NBAS: variants seen among roughly 807,000 people sequenced by gnomAD.
NBAS encodes NBAS subunit of NRZ tethering complex, also known as NAG/BC035112 fusion.
NBAS carries 219 observed loss-of-function variants against 302.5 expected under a neutral mutation model. That is an observed-to-expected ratio of 0.72 (90% CI 0.65 to 0.81). The LOEUF is 0.81. Ranked by LOEUF, NBAS falls within the 30% of genes least tolerant of loss-of-function variation. The pLI, the probability that NBAS is intolerant of heterozygous loss-of-function variation, is 0.00. For missense variants in NBAS, 2,932 were observed against 2,841.6 expected (o/e 1.03, Z -0.72); for synonymous variants, 1,118 against 1,021.6 (o/e 1.09, Z -1.80).
chr2:15,493,828 TC>T (rs1157270849), intron 11 of NBAS, among the ~76,000 whole-genome samples: 4 of 131,874 alleles, frequency 3.0e-5, no homozygotes, highest in East Asian at 2.0e-4. Flanking sequence ...TGCAATTTTC[TC>T]TTTTTTTTTT....
At chr2:15,347,385 T>A (rs1673143751) in intron 35 of NBAS, among the ~76,000 whole-genome samples, 1 of 152,136 alleles carries the variant, frequency 6.6e-6, no homozygotes, top group Non-Finnish European at 1.5e-5. Flanking sequence ...AGCTAAGAAA[T>A]GGAAACAACC....
At chr2:15,173,990 T>A (rs1283461190) in intron 51 of NBAS, among the ~76,000 whole-genome samples, 7 of 152,230 alleles carry the variant, frequency 4.6e-5, no homozygotes, top group Non-Finnish European at 4.4e-5. Context: ...GCATGCTTGA[T>A]ATGTCTGTTC....
At chr2:14,928,586 G>T in the NBAS span, among the ~76,000 whole-genome samples, 11 of 151,650 alleles carry the variant, frequency 7.3e-5, no homozygotes, top group Non-Finnish European at 1.5e-4. Context: ...GATATTTTTG[G>T]CACTCAAATA....
chr2:15,463,809 C>T (rs76932930), intron 19 of NBAS, among the ~76,000 whole-genome samples: 5,712 of 78,042 alleles, frequency 0.073, 377 homozygotes, highest in African/African-American at 0.18. Context: ...AAAAAAAGCA[C>T]CAGGAAAATC....
the NBAS span, among the ~76,000 whole-genome samples, chr2:14,790,831 G>A: frequency 3.3e-5 from 5 of 151,354 alleles, no homozygotes; most frequent in African/African-American, 1.2e-4. Flanking sequence ...TTGTGTGTGT[G>A]TATGTATGTG....
At position 15,305,444 on chromosome 2, in the gene NBAS, G is replaced by A. The variant is rs144473467; in HGVS notation, c.4797+2772C>T. Among the ~76,000 whole-genome samples, 268 of 144,182 alleles carry A rather than the reference G, an allele frequency of 1.9e-3. 2 individuals carry two copies. Among genetic ancestry groups the A allele is most frequent in the African/African-American group, 6.5e-3 (246 of 37,946 alleles). 94.6% of individuals were successfully genotyped at this position (144,182 alleles called of 152,430 possible). On this transcript the variant is annotated intron_variant, in intron 40 of 51. Transcript: ENST00000281513. Reference sequence around the variant, plus strand: ...CTTTCTTTATAAATTACTCAGTCTCGAGCAGTTTTTTTTTTTTTTTTTTTT... The same window carrying A: ...CTTTCTTTATAAATTACTCAGTCTCAAGCAGTTTTTTTTTTTTTTTTTTTT...
rs760920114 is a variant in NBAS, at chr2:15,179,079, G to A, written c.6749C>T (p.Ser2250Phe). The change falls in exon 51 of 52, where the codon TCC (serine) becomes TTC (phenylalanine). Residue 2250 changes from serine (S) to phenylalanine (F), a missense_variant. Transcript: ENST00000281513. ...AAGTTTCAGAGATGGAAGCAGGAGGGACTGGTTAAGCAGCAGCAGACACAG... is the reference window on the plus strand; with the variant it reads ...AAGTTTCAGAGATGGAAGCAGGAGGAACTGGTTAAGCAGCAGCAGACACAG... The part of the protein sequence containing the change: ...KELCLLLLNQ[S>F]LLLPSLKLLL... 8 of 1,614,084 alleles carry A rather than the reference G, an allele frequency of 5.0e-6. No individual in the cohort carries two copies. The highest frequency in any genetic ancestry group is 6.8e-6 in the Non-Finnish European group (8 of 1,180,054).
the NBAS span, among the ~76,000 whole-genome samples, chr2:14,830,881 G>T: frequency 6.6e-6 from 1 of 152,274 alleles, no homozygotes; most frequent in African/African-American, 2.4e-5. Flanking sequence ...TACACAGTTT[G>T]CCCATTTCTG....
the NBAS span, among the ~76,000 whole-genome samples, chr2:15,067,885 C>T: frequency 6.6e-6 from 1 of 152,026 alleles, no homozygotes; most frequent in Admixed American, 6.5e-5. Flanking sequence ...AAAGATAAAA[C>T]ATTCTTGAGA....
chr2:15,468,793 T>C (rs962319825), intron 16 of NBAS, among the ~76,000 whole-genome samples: 2 of 152,228 alleles, frequency 1.3e-5, no homozygotes, highest in African/African-American at 4.8e-5. Flanking sequence ...TCAGGACTCA[T>C]TTTTGGAAAT....
chr2:15,419,856 C>T (rs1360337707), intron 23 of NBAS, among the ~76,000 whole-genome samples: 1 of 152,032 alleles, frequency 6.6e-6, no homozygotes, highest in Non-Finnish European at 1.5e-5. Flanking sequence ...GGACTGCAGG[C>T]ATCTGCCACC....
At chr2:14,780,159 C>T in the NBAS span, among the ~76,000 whole-genome samples, 1 of 152,174 alleles carries the variant, frequency 6.6e-6, no homozygotes, top group East Asian at 1.9e-4. Context: ...AGACACTTTG[C>T]AGTAAAATGG....
chr2:14,933,428 T>C, the NBAS span, among the ~76,000 whole-genome samples: 1 of 152,180 alleles, frequency 6.6e-6, no homozygotes, highest in African/African-American at 2.4e-5. Flanking sequence ...AACCTTATAG[T>C]TCAATAAAAT....
intron 25 of NBAS, among the ~76,000 whole-genome samples, chr2:15,403,907 A>AGTTT (rs1676279830): frequency 1.3e-5 from 1 of 77,540 alleles, no homozygotes; most frequent in African/African-American, 4.5e-5. Flanking sequence ...GTGTCTATAC[A>AGTTT]CTTTTTTTTT....
At chr2:14,818,315 TG>T in the NBAS span, among the ~76,000 whole-genome samples, 1 of 152,224 alleles carries the variant, frequency 6.6e-6, no homozygotes, top group Non-Finnish European at 1.5e-5. Flanking sequence ...GGTGTGTGTG[TG>T]ATTTGTTATA....
intron 9 of NBAS, among the ~76,000 whole-genome samples, chr2:15,517,398 A>C (rs1662449434): frequency 6.6e-6 from 1 of 152,228 alleles, no homozygotes; most frequent in South Asian, 2.1e-4. Context: ...GGGAACAAAT[A>C]CAAAAATATA....
the NBAS span, among the ~76,000 whole-genome samples, chr2:14,958,620 T>C: frequency 6.6e-6 from 1 of 152,250 alleles, no homozygotes; most frequent in Non-Finnish European, 1.5e-5. Context: ...GCATCTGTTA[T>C]AAATCTTCCA....
At chr2:15,050,849 A>G in the NBAS span, among the ~76,000 whole-genome samples, 3 of 152,116 alleles carry the variant, frequency 2.0e-5, no homozygotes, top group Non-Finnish European at 4.4e-5. Flanking sequence ...CATGATGCCT[A>G]CCACAGAGCT....
chr2:15,182,690 C>T (rs1198318533), intron 50 of NBAS, among the ~76,000 whole-genome samples: 1 of 152,168 alleles, frequency 6.6e-6, no homozygotes, highest in Non-Finnish European at 1.5e-5. Flanking sequence ...TCTACCTATT[C>T]CCAAGTCTTG....
Sources: gnomAD v4.1 joint callset for allele counts (sites outside exome capture counted in the v4.1 genomes callset) on GRCh38, gnomAD v4.1.1 for gene constraint, MANE v1.5 for transcripts, NCBI Gene and HGNC (gene_info 2026-07-23, HGNC 2026-07-21) for gene names.